SP100: variants seen among roughly 807,000 people sequenced by gnomAD.
SP100 encodes the protein nuclear autoantigen Sp-100.
Under a neutral mutation model 130.0 loss-of-function variants are expected in SP100, and 84 were observed. The ratio of observed to expected loss-of-function variants is 0.65; its 90% CI spans 0.54 to 0.77. The LOEUF is 0.77. Among genes scored for constraint, SP100 ranks in the 30% least tolerant of loss-of-function variants. The pLI is 0.00. For missense variants in SP100, 978 were observed against 1,052.2 expected, an observed-to-expected ratio of 0.93 and a Z score of 0.97; for synonymous variants, 331 against 351.7, an observed-to-expected ratio of 0.94 and a Z score of 0.66.
rs529725990 is a variant in SP100, at chr2:230,539,157, T to G, written c.2095-110T>G. ...GAGATCTCCACTCAGCAATCTTTAATATTTTGAGGACAGAAATTTACAAGT... is the reference window on the plus strand; with the variant it reads ...GAGATCTCCACTCAGCAATCTTTAAGATTTTGAGGACAGAAATTTACAAGT... On this transcript the variant is annotated intron_variant, in intron 24 of 28. Transcript: ENST00000340126. 37 of 679,660 alleles carry G rather than the reference T, an allele frequency of 5.4e-5. No homozygotes were observed. In the Middle Eastern group the frequency reaches 1.0e-3, roughly 19 times the overall value. The allele number at this position is 679,660 out of a possible 1,614,324, so 42.1% of individuals were successfully genotyped here. A position where few individuals can be genotyped will look rare whatever the true frequency, so the allele number is the denominator to read the frequency against.
intron 9 of SP100, among the ~76,000 whole-genome samples, chr2:230,462,212 G>T (rs1559501302): frequency 6.6e-6 from 1 of 152,172 alleles, no homozygotes; most frequent in Non-Finnish European, 1.5e-5. Flanking sequence ...GGTAAGAACA[G>T]TGTCAGTGGA....
chr2:230,507,467 A>T (rs1690203842), intron 22 of SP100: 1 of 152,446 alleles, frequency 6.6e-6, no homozygotes, highest in African/African-American at 2.4e-5. Flanking sequence ...AAAGCTGTGG[A>T]GGGTATACAA....
At chr2:230,430,949 T>C (rs2063081021) in intron 2 of SP100, among the ~76,000 whole-genome samples, 1 of 152,248 alleles carries the variant, frequency 6.6e-6, no homozygotes, top group Non-Finnish European at 1.5e-5. Flanking sequence ...GATCTGAGGC[T>C]GGGCAGAATT....
At chr2:230,501,889 G>A (rs1367064337) in intron 19 of SP100, among the ~76,000 whole-genome samples, 1 of 152,120 alleles carries the variant, frequency 6.6e-6, no homozygotes, top group Non-Finnish European at 1.5e-5. Context: ...TCTTTTTTGA[G>A]ATGGAGTCTC....
chr2:230,544,898 C>T lies in SP100; in HGVS notation c.*1952C>T, dbSNP rs1019603063. Among the ~76,000 whole-genome samples the T allele has an allele frequency of 2.0e-5, 3 of 152,186 alleles. No homozygotes were observed. The highest frequency in any genetic ancestry group is 4.4e-5 in the Non-Finnish European group (3 of 68,030). On this transcript the variant is annotated 3_prime_UTR_variant, in exon 29 of 29. Coordinates refer to ENST00000340126, the MANE Select transcript of SP100 (RefSeq NM_001080391.2). ...AACTACAATGAGACACCATCTCACA[C>T]CAGTCAAAATGCCTCTTTCTAAAAA... is the stretch of plus-strand genomic sequence containing the variant.
intron 19 of SP100, among the ~76,000 whole-genome samples, chr2:230,499,414 TAA>T (rs2066879935): frequency 8.5e-6 from 1 of 117,996 alleles, no homozygotes; most frequent in East Asian, 2.3e-4. Flanking sequence ...ATTTGTCATC[TAA>T]AAGAGTTTTA....
chr2:230,537,370 C>T (rs1235966681), intron 24 of SP100, among the ~76,000 whole-genome samples: 2 of 152,154 alleles, frequency 1.3e-5, no homozygotes, highest in African/African-American at 4.8e-5. Context: ...CTAGCAAGAT[C>T]TAGATCAATC....
At chr2:230,467,831 T>C (rs1248795432) in intron 13 of SP100, among the ~76,000 whole-genome samples, 1 of 152,256 alleles carries the variant, frequency 6.6e-6, no homozygotes, top group Non-Finnish European at 1.5e-5. Context: ...TTTCTACTTC[T>C]GCTCATTCTC....
At chr2:230,515,720 A>T in intron 24 of SP100, 1 of 1,525,476 alleles carries the variant, frequency 6.6e-7, no homozygotes. Context: ...TAAAGAAAAA[A>T]ACTTCAACGT....
chr2:230,467,672 C>T (rs1329645831), intron 13 of SP100, among the ~76,000 whole-genome samples: 1 of 152,142 alleles, frequency 6.6e-6, no homozygotes, highest in Non-Finnish European at 1.5e-5. Context: ...AAGAACAGCA[C>T]AGGAAAGATC....
intron 17 of SP100, among the ~76,000 whole-genome samples, chr2:230,492,102 G>A (rs1045877024): frequency 6.6e-6 from 1 of 151,996 alleles, no homozygotes; most frequent in Non-Finnish European, 1.5e-5. Context: ...ATCAGCCTGT[G>A]TGCCATTCCA....
chr2:230,524,637 G>C (rs1015626592), intron 24 of SP100, among the ~76,000 whole-genome samples: 1 of 152,240 alleles, frequency 6.6e-6, no homozygotes, highest in African/African-American at 2.4e-5. Context: ...AAATGGATAA[G>C]TGCTATAGAT....
At chr2:230,537,233 G>A (rs148015049) in intron 24 of SP100, among the ~76,000 whole-genome samples, 2,361 of 152,236 alleles carry the variant, frequency 0.016, 55 homozygotes, top group African/African-American at 0.051. Flanking sequence ...CACTCCAGCC[G>A]AGGTGACAGA....
chr2:230,481,805 T>C (rs1340648347), intron 17 of SP100, among the ~76,000 whole-genome samples: 1 of 152,198 alleles, frequency 6.6e-6, no homozygotes, highest in African/African-American at 2.4e-5. Flanking sequence ...TACTCTGGCC[T>C]TCCTTGAATA....
At chr2:230,482,521 G>T (rs945757055) in intron 17 of SP100, among the ~76,000 whole-genome samples, 1 of 152,046 alleles carries the variant, frequency 6.6e-6, no homozygotes, top group African/African-American at 2.4e-5. Flanking sequence ...GGAATATTAG[G>T]TGGAGACATT....
At chr2:230,524,191 A>AAAAAAAAAAAAAAAAAAT (rs1691307523) in intron 24 of SP100, among the ~76,000 whole-genome samples, 1 of 143,632 alleles carries the variant, frequency 7.0e-6, no homozygotes, top group Non-Finnish European at 1.5e-5. Flanking sequence ...AAAAAAAAAA[A>AAAAAAAAAAAAAAAAAAT]AAAAAAAAAA....
intron 17 of SP100, among the ~76,000 whole-genome samples, chr2:230,490,187 T>C (rs1390886734): frequency 6.6e-6 from 1 of 152,080 alleles, no homozygotes; most frequent in African/African-American, 2.4e-5. Flanking sequence ...CTGTATTGGG[T>C]GCATATATAT....
chr2:230,469,961 C>A, intron 14 of SP100, 54 bp from the exon 15 acceptor site: 2 of 1,563,214 alleles, frequency 1.3e-6, no homozygotes, highest in Non-Finnish European at 1.7e-6. Context: ...GAATTCCCTG[C>A]TGATTCCTAA....
chr2:230,527,289 G>A (rs781300624), intron 24 of SP100, among the ~76,000 whole-genome samples: 108 of 152,272 alleles, frequency 7.1e-4, no homozygotes, highest in Non-Finnish European at 1.2e-3. Context: ...ATAAAGAAAA[G>A]AATTTTCTAC....
Sources: gnomAD v4.1 joint callset for allele counts (sites outside exome capture counted in the v4.1 genomes callset) on GRCh38, gnomAD v4.1.1 for gene constraint, MANE v1.5 for transcripts, NCBI Gene and HGNC (gene_info 2026-07-23, HGNC 2026-07-21) for gene names.